MND1: variants seen among roughly 807,000 people sequenced by gnomAD.
MND1 encodes the protein meiotic nuclear division protein 1 homolog.
Under a neutral mutation model 35.1 loss-of-function variants are expected in MND1, and 28 were observed. That is an observed-to-expected ratio of 0.80 (90% confidence interval 0.59 to 1.09). MND1 has a LOEUF of 1.09. MND1 is among the 50% of genes least tolerant of loss of function. MND1 has a pLI of 0.00. For synonymous variants in MND1, 69 were observed against 70.5 expected (o/e 0.98, Z 0.11); for missense variants, 213 against 239.6 (o/e 0.89, Z 0.73).
intron 3 of MND1, among the ~76,000 whole-genome samples, chr4:153,357,826 C>T (rs1579900246): frequency 6.6e-6 from 1 of 152,254 alleles, no homozygotes; most frequent in South Asian, 2.1e-4. Context: ...TATTTTCCCT[C>T]CCAGTTATTG....
chr4:153,403,142 A>T (rs1729389306), intron 6 of MND1, among the ~76,000 whole-genome samples: 1 of 152,122 alleles, frequency 6.6e-6, no homozygotes, highest in South Asian at 2.1e-4. Flanking sequence ...CTAAAAAAAA[A>T]AGGAGAAACT....
chr4:153,380,846 TATA>T (rs761098309), intron 4 of MND1, among the ~76,000 whole-genome samples: 1 of 152,042 alleles, frequency 6.6e-6, no homozygotes, highest in Non-Finnish European at 1.5e-5. Context: ...TGCTGAAAAG[TATA>T]ATATTACAAC....
chr4:153,373,077 T>A (rs573985249), intron 4 of MND1, among the ~76,000 whole-genome samples: 74 of 152,242 alleles, frequency 4.9e-4, no homozygotes, highest in African/African-American at 1.8e-3. Context: ...AATCTTTTTG[T>A]ATTTTCATAT....
rs561439079 is a variant in MND1, at chr4:153,390,859, C to G, written c.277-3403C>G. 1.0e-4 allele frequency among the ~76,000 whole-genome samples: 15 copies of G among 149,592 alleles called. No homozygotes were observed. The South Asian group carries it at 3.0e-3, about 30-fold the overall frequency. ...AACAAAACAAAACAAAAAAACAGAACCAGCCCGTCTCAAAAAAAAAGGTAT... is the reference window on the plus strand; with the variant it reads ...AACAAAACAAAACAAAAAAACAGAAGCAGCCCGTCTCAAAAAAAAAGGTAT... On this transcript the variant is annotated intron_variant, in intron 4 of 7. Coordinates refer to ENST00000240488, the MANE Select transcript of MND1 (RefSeq NM_032117.4).
At chr4:153,409,228 T>C (rs1314423087) in intron 7 of MND1, 1 of 201,780 alleles carries the variant, frequency 5.0e-6, no homozygotes, top group Non-Finnish European at 1.1e-5. Context: ...AAGATATTTT[T>C]GTAAAACTAA....
At chr4:153,395,621 C>A (rs1337980120) in intron 5 of MND1, among the ~76,000 whole-genome samples, 2 of 152,210 alleles carry the variant, frequency 1.3e-5, no homozygotes, top group African/African-American at 4.8e-5. Flanking sequence ...TCTCCTTACT[C>A]TGAGCCAGGC....
chr4:153,383,561 T>C lies in MND1; in HGVS notation c.277-10701T>C, dbSNP rs572812852. 2.0e-5 allele frequency among the ~76,000 whole-genome samples: 3 copies of C among 152,312 alleles called. No individual in the cohort carries two copies. The East Asian group carries it at 5.8e-4, about 29-fold the overall frequency. Reference sequence around the variant, plus strand: ...TTCTCTCCTTTTCTCCAGGCCTTGGTTGGGATAAGGGACAGGAAGCTGAAC... The same window carrying C: ...TTCTCTCCTTTTCTCCAGGCCTTGGCTGGGATAAGGGACAGGAAGCTGAAC... On this transcript the variant is annotated intron_variant, in intron 4 of 7. Coordinates refer to ENST00000240488, the MANE Select transcript of MND1 (RefSeq NM_032117.4).
At chr4:153,345,084 C>G (rs1773040094) in intron 1 of MND1, among the ~76,000 whole-genome samples, 1 of 152,240 alleles carries the variant, frequency 6.6e-6, no homozygotes, top group African/African-American at 2.4e-5. Flanking sequence ...CTTCACCAAC[C>G]TGGATTTATC....
rs367577415 is a variant in MND1 at position 153,368,200 on chromosome 4, G to A, written c.276+9578G>A. ...TTTTGTTCTTGCTTTTATCCTTTTT[G>A]AGAATTCCCTTTTCTCTCCTCTCTA... On this transcript the variant is annotated intron_variant, in intron 4 of 7. Transcript: ENST00000240488. Among the ~76,000 whole-genome samples, 10 of 151,980 alleles carry A rather than the reference G, an allele frequency of 6.6e-5. No homozygotes were observed. The East Asian group carries it at 1.5e-3, about 24-fold the overall frequency.
chr4:153,372,259 C>A (rs1157640609), intron 4 of MND1, among the ~76,000 whole-genome samples: 3 of 151,954 alleles, frequency 2.0e-5, no homozygotes, highest in African/African-American at 7.2e-5. Context: ...CTCAAGGTAG[C>A]CACAAACTTA....
At chr4:153,370,701 G>GT (rs1773769188) in intron 4 of MND1, among the ~76,000 whole-genome samples, 1 of 151,994 alleles carries the variant, frequency 6.6e-6, no homozygotes, top group Admixed American at 6.5e-5. Context: ...TGTATTTTTA[G>GT]TAGAGACAGG....
intron 4 of MND1, among the ~76,000 whole-genome samples, chr4:153,381,191 G>A (rs1053819632): frequency 6.6e-6 from 1 of 152,070 alleles, no homozygotes; most frequent in African/African-American, 2.4e-5. Flanking sequence ...CAGCCACTGC[G>A]CCCGGCCAGA....
At chr4:153,356,749 T>G (rs1189762203) in intron 3 of MND1, among the ~76,000 whole-genome samples, 1 of 151,938 alleles carries the variant, frequency 6.6e-6, no homozygotes, top group Non-Finnish European at 1.5e-5. Flanking sequence ...TTAATGGGGT[T>G]GAACATTTTT....
chr4:153,385,395 C>T (rs1014468467), intron 4 of MND1, among the ~76,000 whole-genome samples: 2 of 152,086 alleles, frequency 1.3e-5, no homozygotes, highest in African/African-American at 4.8e-5. Flanking sequence ...ATTGATTTAA[C>T]GACTCATTTA....
intron 4 of MND1, among the ~76,000 whole-genome samples, chr4:153,385,732 A>G (rs905568530): frequency 5.1e-4 from 77 of 151,480 alleles, no homozygotes; most frequent in African/African-American, 1.6e-3. Flanking sequence ...AAAAAAAAAA[A>G]AAGAAAAGAA....
chr4:153,365,360 C>G (rs1215100553), intron 4 of MND1, among the ~76,000 whole-genome samples: 1 of 152,080 alleles, frequency 6.6e-6, no homozygotes, highest in Non-Finnish European at 1.5e-5. Flanking sequence ...AGAAAAAACT[C>G]TAGAAAGGAA....
At chr4:153,386,645 G>A (rs1288524302) in intron 4 of MND1, among the ~76,000 whole-genome samples, 1 of 152,138 alleles carries the variant, frequency 6.6e-6, no homozygotes, top group Non-Finnish European at 1.5e-5. Flanking sequence ...GAACCCGGGA[G>A]GTGGAGGTTG....
At chr4:153,385,663 C>T (rs936147750) in intron 4 of MND1, among the ~76,000 whole-genome samples, 3 of 149,992 alleles carry the variant, frequency 2.0e-5, no homozygotes, top group Non-Finnish European at 4.4e-5. Flanking sequence ...TTGCAGTGAG[C>T]CACAATCATG....
chr4:153,375,604 G>T (rs1382990845), intron 4 of MND1, among the ~76,000 whole-genome samples: 1 of 152,008 alleles, frequency 6.6e-6, no homozygotes, highest in Non-Finnish European at 1.5e-5. Flanking sequence ...GCCATAATAT[G>T]GGGTGTTTTA....
Sources: gnomAD v4.1 joint callset for allele counts (sites outside exome capture counted in the v4.1 genomes callset) on GRCh38, gnomAD v4.1.1 for gene constraint, MANE v1.5 for transcripts, NCBI Gene and HGNC (gene_info 2026-07-23, HGNC 2026-07-21) for gene names.